ANAPC1: variants seen among roughly 807,000 people sequenced by gnomAD.
The protein encoded by ANAPC1 is anaphase promoting complex subunit 1.
In ANAPC1, 36 loss-of-function variants were observed where a neutral mutation model predicts 208.0. That is an observed-to-expected ratio of 0.17 (90% CI 0.13 to 0.23). The LOEUF (loss-of-function observed/expected upper bound fraction) is 0.23, where lower values mean the gene tolerates loss of function less well. Among genes scored for constraint, ANAPC1 ranks in the 10% least tolerant of loss-of-function variants. The pLI, the probability that ANAPC1 is intolerant of heterozygous loss-of-function variation, is 1.00. For missense variants in ANAPC1, 942 were observed against 2,011.6 expected (o/e 0.47, Z 10.17); for synonymous variants, 378 against 695.2 (o/e 0.54, Z 7.18).
At chr2:111,847,990 T>C in intron 14 of ANAPC1, 125 bp from the exon 15 acceptor site, 2 of 701,044 alleles carry the variant, frequency 2.9e-6, no homozygotes, top group Non-Finnish European at 4.5e-6. Flanking sequence ...TCAAAAACAT[T>C]CTGCTCCAAG....
intron 42 of ANAPC1, among the ~76,000 whole-genome samples, chr2:111,783,208 C>G (rs1677375508): frequency 6.6e-6 from 1 of 152,186 alleles, no homozygotes; most frequent in Non-Finnish European, 1.5e-5. Flanking sequence ...TTCTTTTGTG[C>G]ATGTACAAAT....
chr2:111,866,820 G>C (rs950846559), intron 7 of ANAPC1, among the ~76,000 whole-genome samples: 11 of 143,118 alleles, frequency 7.7e-5, no homozygotes, highest in African/African-American at 3.0e-4. Flanking sequence ...AAAAAAAAAG[G>C]CTGCGTGCCA....
chr2:111,857,026 A>G (rs1273207002), intron 11 of ANAPC1, 140 bp from the exon 12 acceptor site: 3 of 586,948 alleles, frequency 5.1e-6, no homozygotes, highest in African/African-American at 1.9e-5. Context: ...ACAAATGCCA[A>G]ATTATCAAGA....
At chr2:111,795,005 C>T (rs1678086414) in intron 34 of ANAPC1, 111 bp from the exon 35 acceptor site, 14 of 1,273,800 alleles carry the variant, frequency 1.1e-5, no homozygotes, top group Non-Finnish European at 1.5e-5. Context: ...ATAAAGTAAG[C>T]TTTACCAAAC....
At chr2:111,849,715 C>T (rs6751580) in intron 14 of ANAPC1, among the ~76,000 whole-genome samples, 8,076 of 151,818 alleles carry the variant, frequency 0.053, 687 homozygotes, top group African/African-American at 0.18. Flanking sequence ...ATTAATCCCT[C>T]CTTTCCACAC....
At chr2:111,846,559 A>ATATT (rs1553430004) in intron 16 of ANAPC1, among the ~76,000 whole-genome samples, 1 of 46,296 alleles carries the variant, frequency 2.2e-5, no homozygotes, top group Non-Finnish European at 3.9e-5. Flanking sequence ...ATATATATAT[A>ATATT]TTTTTTTTTT....
At chr2:111,871,389 G>A (rs1056469557) in intron 6 of ANAPC1, among the ~76,000 whole-genome samples, 1 of 152,102 alleles carries the variant, frequency 6.6e-6, no homozygotes, top group African/African-American at 2.4e-5. Context: ...TTATAGAGAT[G>A]ATTCACCTCC....
chr2:111,847,560 A>G (rs911096164), intron 15 of ANAPC1, among the ~76,000 whole-genome samples, 165 bp downstream of exon 15: 4 of 152,368 alleles, frequency 2.6e-5, no homozygotes, highest in Admixed American at 2.0e-4. Context: ...GAAAACAAGC[A>G]GAATTACTGT....
intron 21 of ANAPC1, among the ~76,000 whole-genome samples, chr2:111,827,798 T>A (rs988901954): frequency 6.6e-6 from 1 of 152,044 alleles, no homozygotes; most frequent in Non-Finnish European, 1.5e-5. Context: ...ATAAAACTTA[T>A]AATGAGGAAA....
intron 17 of ANAPC1, among the ~76,000 whole-genome samples, chr2:111,840,918 C>G (rs1680726635): frequency 2.0e-5 from 3 of 152,128 alleles, no homozygotes; most frequent in Non-Finnish European, 4.4e-5. Context: ...AGGTACATGC[C>G]TGTAATCCCA....
At chr2:111,832,415 C>G (rs529013928) in intron 20 of ANAPC1, among the ~76,000 whole-genome samples, 5 of 152,088 alleles carry the variant, frequency 3.3e-5, no homozygotes, top group Admixed American at 6.5e-5. Context: ...ACAACTGGGC[C>G]CCAAATTTCA....
chr2:111,811,134 G>A lies in ANAPC1; in HGVS notation c.3598-1953C>T, dbSNP rs917560656. Among the ~76,000 whole-genome samples the A allele has an allele frequency of 2.0e-4, 31 of 152,106 alleles. 1 individual carries two copies. Among genetic ancestry groups the A allele is most frequent in the Middle Eastern group, 3.4e-3 (1 of 294 alleles). ...GGGTACATCCGAAGGACCCTACACC[G>A]GCCCCCAGTCCCCACCAGCCTGTTC... On this transcript the variant is annotated intron_variant, in intron 28 of 47. Coordinates refer to ENST00000341068, the MANE Select transcript of ANAPC1 (RefSeq NM_022662.4).
chr2:111,868,597 C>T (rs1307453365), intron 6 of ANAPC1, among the ~76,000 whole-genome samples: 1 of 152,180 alleles, frequency 6.6e-6, no homozygotes, highest in Admixed American at 6.5e-5. Context: ...GGGGCATCAT[C>T]TCGGCTCACT....
In ANAPC1 at chr2:111,768,299, A is replaced by C. The variant is rs193243400; in HGVS notation, c.*992T>G. The stretch of plus-strand genomic sequence containing the variant: ...TTCTGTAAATCTTAGGTAAATATGG[A>C]TTGTCTTGTTTTTAAATACAATTTC... On this transcript the variant is annotated 3_prime_UTR_variant, in exon 48 of 48. Transcript: ENST00000341068. 2 of 152,158 alleles carry C rather than the reference A, an allele frequency of 1.3e-5. No individual in the cohort carries two copies. Among genetic ancestry groups the C allele is most frequent in the Admixed American group, 1.3e-4 (2 of 15,274 alleles). The allele number at this position is 152,158 out of a possible 1,614,324, so 9.4% of individuals were successfully genotyped here.
At chr2:111,846,101 G>A (rs1040523464) in intron 16 of ANAPC1, among the ~76,000 whole-genome samples, 17 of 151,878 alleles carry the variant, frequency 1.1e-4, no homozygotes, top group African/African-American at 4.1e-4. Flanking sequence ...ATCTGCCAAT[G>A]TCCTGCTTTG....
At chr2:111,858,601 A>G (rs1681871148) in intron 10 of ANAPC1, among the ~76,000 whole-genome samples, 200 bp from the exon 11 acceptor site, 2 of 152,054 alleles carry the variant, frequency 1.3e-5, no homozygotes, top group Admixed American at 1.3e-4. Flanking sequence ...TCTACTAAAA[A>G]TACAAAATAA....
At chr2:111,851,667 C>T (rs1468136044) in intron 13 of ANAPC1, among the ~76,000 whole-genome samples, 3 of 151,792 alleles carry the variant, frequency 2.0e-5, no homozygotes, top group Non-Finnish European at 4.4e-5. Context: ...AAAAATTAGC[C>T]GGGCGTGGTG....
At chr2:111,869,384 C>A (rs1312300874) in intron 6 of ANAPC1, among the ~76,000 whole-genome samples, 3 of 152,072 alleles carry the variant, frequency 2.0e-5, no homozygotes, top group Non-Finnish European at 4.4e-5. Context: ...GCTGGGATTA[C>A]AGGCACCTGC....
In ANAPC1 at chr2:111,856,844, G is replaced by A; in HGVS notation, c.1401C>T (p.Ile467=). Residue 467 remains isoleucine, a synonymous_variant, in exon 12 of 48, where the codon ATC becomes ATT. Coordinates refer to ENST00000341068, the MANE Select transcript of ANAPC1 (RefSeq NM_022662.4). The part of the protein sequence containing the change: ...FQESNDKTQL[I]FGSVTNIPAK... ...CTGGTATGTTGGTCACTGAACCAAA[G>A]ATGAGCTGGGTTTTATCATTACTCT... 2.5e-6 allele frequency: 4 copies of A among 1,612,454 alleles called. No individual in the cohort carries two copies. The highest frequency in any genetic ancestry group is 2.5e-6 in the Non-Finnish European group (3 of 1,179,852).
Sources: allele counts gnomAD v4.1 joint callset (sites outside exome capture counted in the v4.1 genomes callset), GRCh38; gene constraint gnomAD v4.1.1; transcripts MANE v1.5; gene names NCBI Gene and HGNC (gene_info 2026-07-23, HGNC 2026-07-21).